The following LPP variants were observed in gnomAD, a reference collection of about 807,000 sequenced individuals.
LPP encodes LIM domain containing preferred translocation partner in lipoma.
A neutral mutation model predicts 60.4 loss-of-function variants in LPP; 38 were observed. The observed-to-expected ratio is 0.63, with a 90% CI of 0.49 to 0.83. LPP has a LOEUF of 0.83. Among genes scored for constraint, LPP ranks in the 40% least tolerant of loss-of-function variants. LPP has a pLI of 0.00. For missense variants in LPP, 902 were observed against 783.6 expected (o/e 1.15, Z -1.80); for synonymous variants, 328 against 290.8 (o/e 1.13, Z -1.30).
chr3:188,360,544 A>G (rs537798548), intron 3 of LPP, among the ~76,000 whole-genome samples: 72 of 149,948 alleles, frequency 4.8e-4, no homozygotes, highest in African/African-American at 1.7e-3. Context: ...TTTTGTGGAG[A>G]TGGGGTCTCA....
upstream of LPP, chr3:188,153,254 G>A (rs1715075104): frequency 1.3e-5 from 2 of 152,346 alleles, no homozygotes; most frequent in Admixed American, 1.3e-4. Context: ...CCCGCTCCTC[G>A]ATCTGCTGAG....
chr3:188,240,518 T>A, intron 2 of LPP, among the ~76,000 whole-genome samples: 1 of 152,140 alleles, frequency 6.6e-6, no homozygotes, highest in East Asian at 1.9e-4. Flanking sequence ...ACTGCTTTAT[T>A]TTGTAGGGAA....
intron 6 of LPP, among the ~76,000 whole-genome samples, chr3:188,539,451 C>T (rs77913474): frequency 0.055 from 8,316 of 152,156 alleles, 766 homozygotes; most frequent in African/African-American, 0.19. Flanking sequence ...CTTGAGAAAG[C>T]AGAATGAAAA....
chr3:188,361,578 T>TC, intron 3 of LPP, among the ~76,000 whole-genome samples: 1 of 130,270 alleles, frequency 7.7e-6, no homozygotes, highest in East Asian at 2.7e-4. Flanking sequence ...TCTCCTTTCA[T>TC]TTTTCCTTTC....
intron 1 of LPP, among the ~76,000 whole-genome samples, chr3:188,159,901 T>TTTTG (rs55880860): frequency 4.6e-5 from 7 of 151,728 alleles, no homozygotes; most frequent in Admixed American, 6.6e-5. Context: ...CAGAGTATTT[T>TTTTG]TTTGTTTGTT....
chr3:188,435,647 A>G (rs956302992), intron 4 of LPP, among the ~76,000 whole-genome samples: 4 of 152,066 alleles, frequency 2.6e-5, no homozygotes, highest in Admixed American at 6.6e-5. Context: ...TTACCTTTAG[A>G]AATTTATAAA....
At chr3:188,230,773 CAAAA>C (rs760774253) in intron 2 of LPP, among the ~76,000 whole-genome samples, 1 of 106,488 alleles carries the variant, frequency 9.4e-6, no homozygotes. Flanking sequence ...AACTCTGTCT[CAAAA>C]AAAAAAAAAA....
At chr3:188,849,396 T>G (rs977892715) in intron 9 of LPP, among the ~76,000 whole-genome samples, 4 of 151,912 alleles carry the variant, frequency 2.6e-5, no homozygotes, top group Non-Finnish European at 5.9e-5. Context: ...TGGTGCCATT[T>G]CTAGGACTAG....
chr3:188,356,976 C>T (rs1767782943), intron 3 of LPP, among the ~76,000 whole-genome samples: 1 of 152,192 alleles, frequency 6.6e-6, no homozygotes, highest in Non-Finnish European at 1.5e-5. Flanking sequence ...ATGCCCACAA[C>T]TTGAACTTTT....
At chr3:188,646,330 A>G (rs2148894304) in intron 7 of LPP, among the ~76,000 whole-genome samples, 1 of 152,278 alleles carries the variant, frequency 6.6e-6, no homozygotes, top group East Asian at 1.9e-4. Context: ...CCATACCCAA[A>G]GTTCTGTTTA....
At chr3:188,546,085 G>T (rs1826581429) in intron 6 of LPP, among the ~76,000 whole-genome samples, 1 of 152,056 alleles carries the variant, frequency 6.6e-6, no homozygotes, top group Non-Finnish European at 1.5e-5. Flanking sequence ...TATTAAAGTT[G>T]ACTTAATTCT....
In LPP at chr3:188,882,767, C is replaced by G. The variant is rs1338402563; in HGVS notation, c.*8288C>G. The G allele has an allele frequency of 1.6e-5, 3 of 186,826 alleles. No homozygotes were observed. Among genetic ancestry groups the G allele is most frequent in the Non-Finnish European group, 3.4e-5 (3 of 88,674 alleles). 11.6% of individuals were successfully genotyped at this position (186,826 alleles called of 1,614,324 possible). On this transcript the variant is annotated 3_prime_UTR_variant, in exon 12 of 12. Transcript: ENST00000617246. ...CTTTTTTTTTCTTTTGAGACGGAGTCTTGCTCTGTCGCCCAGGCTGGAGTG... is the reference window on the plus strand; with the variant it reads ...CTTTTTTTTTCTTTTGAGACGGAGTGTTGCTCTGTCGCCCAGGCTGGAGTG...
chr3:188,577,851 C>CCTG, intron 6 of LPP, among the ~76,000 whole-genome samples: 1 of 83,574 alleles, frequency 1.2e-5, no homozygotes, highest in African/African-American at 4.4e-5. Flanking sequence ...TGCCCTTTCT[C>CCTG]TCTCTCTCTT....
chr3:188,388,784 T>C (rs1778974732), intron 3 of LPP, among the ~76,000 whole-genome samples: 1 of 152,228 alleles, frequency 6.6e-6, no homozygotes, highest in Non-Finnish European at 1.5e-5. Flanking sequence ...GCAGTAACTT[T>C]TAAGTTTACA....
chr3:188,503,988 T>G (rs549536016), intron 5 of LPP, among the ~76,000 whole-genome samples: 1 of 152,310 alleles, frequency 6.6e-6, no homozygotes, highest in Non-Finnish European at 1.5e-5. Context: ...TTGATCAAAT[T>G]TGGGGGAGTT....
chr3:188,696,769 C>T (rs1047707808), intron 7 of LPP, among the ~76,000 whole-genome samples: 5 of 152,140 alleles, frequency 3.3e-5, no homozygotes, highest in Non-Finnish European at 7.4e-5. Context: ...TTACTATCAA[C>T]GTTCAATTTT....
chr3:188,421,060 G>T (rs1213621404), intron 4 of LPP, among the ~76,000 whole-genome samples: 1 of 152,128 alleles, frequency 6.6e-6, no homozygotes, highest in Non-Finnish European at 1.5e-5. Context: ...AGGGAAGCTT[G>T]GTGGTGAGGT....
chr3:188,234,938 T>TC (rs1721346040), intron 2 of LPP, among the ~76,000 whole-genome samples: 1 of 152,162 alleles, frequency 6.6e-6, no homozygotes, highest in Non-Finnish European at 1.5e-5. Flanking sequence ...TTCCCCTTCT[T>TC]CCAACTCCAG....
intron 6 of LPP, among the ~76,000 whole-genome samples, chr3:188,599,751 GGTGTGTGTGT>G (rs71169011): frequency 9.0e-4 from 126 of 139,904 alleles, no homozygotes; most frequent in African/African-American, 1.0e-3. Flanking sequence ...ACTCGTTAGG[GGTGTGTGTGT>G]GTGTGTGTGT....
Sources: gnomAD v4.1 joint callset for allele counts (sites outside exome capture counted in the v4.1 genomes callset) on GRCh38, gnomAD v4.1.1 for gene constraint, MANE v1.5 for transcripts, NCBI Gene and HGNC (gene_info 2026-07-23, HGNC 2026-07-21) for gene names.